The following TMEM131L variants were observed in gnomAD, a reference collection of about 807,000 sequenced individuals.
TMEM131L encodes the protein transmembrane protein 131-like.
TMEM131L carries 54 observed loss-of-function variants against 192.2 expected under a neutral mutation model. That is an observed-to-expected ratio of 0.28 (90% CI 0.23 to 0.35). The LOEUF is 0.35. Among genes scored for constraint, TMEM131L ranks in the 10% least tolerant of loss-of-function variants. The pLI, the probability that TMEM131L is intolerant of heterozygous loss-of-function variation, is 1.00. For synonymous variants in TMEM131L, 701 were observed against 704.9 expected (o/e 0.99, Z 0.09); for missense variants, 1,888 against 1,972.9 (o/e 0.96, Z 0.82).
At position 153,580,878 on chromosome 4, in the gene TMEM131L, A is replaced by C; in HGVS notation, c.713A>C (p.His238Pro). Reference protein sequence around the residue: ...LLQVQLECSLHNKVCQQLKGC... With the variant: ...LLQVQLECSLPNKVCQQLKGC... Reference sequence around the variant, plus strand: ...CAGGTGCAACTGGAATGCAGTTTACATAATAAAGTGTGTCAGCAATTAAAG... The same window carrying C: ...CAGGTGCAACTGGAATGCAGTTTACCTAATAAAGTGTGTCAGCAATTAAAG... The change falls in exon 8 of 35, where the codon CAT becomes CCT. Residue 238 changes from histidine to proline, a missense_variant. Physicochemically the swap from His to Pro is moderately conservative, Grantham distance 77. Transcript: ENST00000409959. 3.7e-6 allele frequency: 6 copies of C among 1,611,060 alleles called. No homozygotes were observed. Among genetic ancestry groups the C allele is most frequent in the Non-Finnish European group, 4.2e-6 (5 of 1,177,238 alleles).
At chr4:153,490,373 G>C (rs192683810) in intron 3 of TMEM131L, among the ~76,000 whole-genome samples, 11 of 152,262 alleles carry the variant, frequency 7.2e-5, no homozygotes, top group Admixed American at 7.2e-4. Flanking sequence ...AGAGGGCTGG[G>C]GTAATTTGAG....
chr4:153,626,119 T>G, intron 29 of TMEM131L, 28 bp from the exon 30 acceptor site: 2 of 1,487,100 alleles, frequency 1.3e-6, no homozygotes, highest in Middle Eastern at 1.7e-4. Flanking sequence ...TTTTTGAAAC[T>G]TGTGATAATG....
chr4:153,520,869 C>G lies in TMEM131L; in HGVS notation c.240-29204C>G, dbSNP rs1479157473. Among the ~76,000 whole-genome samples, 23 of 152,198 alleles carry G rather than the reference C, an allele frequency of 1.5e-4. 1 individual carries two copies. Among genetic ancestry groups the G allele is most frequent in the Admixed American group, 1.5e-3 (23 of 15,282 alleles). ...TAGTTAATGGGAAGGACTGGGGACC[C>G]TTTCCCAGGGGTAATTGTAGCTTCT... On this transcript the variant is annotated intron_variant, in intron 3 of 34. Transcript: ENST00000409959.
intron 12 of TMEM131L, among the ~76,000 whole-genome samples, chr4:153,585,249 G>C (rs1447207044): frequency 6.6e-6 from 1 of 152,222 alleles, no homozygotes; most frequent in Admixed American, 6.5e-5. Flanking sequence ...AGCTGTGCTG[G>C]CCGCAGCCTG....
intron 18 of TMEM131L, among the ~76,000 whole-genome samples, chr4:153,592,997 C>A (rs539132356): frequency 6.6e-6 from 1 of 152,256 alleles, no homozygotes; most frequent in South Asian, 2.1e-4. Context: ...ATACTAAAAT[C>A]TCAAGGATGT....
At chr4:153,620,109 C>T (rs1733284396) in intron 26 of TMEM131L, among the ~76,000 whole-genome samples, 1 of 152,232 alleles carries the variant, frequency 6.6e-6, no homozygotes, top group African/African-American at 2.4e-5. Context: ...GGGAATCCCT[C>T]TCCCGTTGGG....
In TMEM131L at chr4:153,592,676, G is replaced by A. The variant is rs1056253591; in HGVS notation, c.1922+92G>A. 11 of 854,598 alleles carry A rather than the reference G, an allele frequency of 1.3e-5. No homozygotes were observed. The African/African-American group carries it at 1.7e-4, about 13-fold the overall frequency. 52.9% of individuals were successfully genotyped at this position (854,598 alleles called of 1,614,324 possible). A position where few individuals can be genotyped will look rare whatever the true frequency, so the allele number is the denominator to read the frequency against. On this transcript the variant is annotated intron_variant, in intron 18 of 34. Transcript: ENST00000409959. ...TCCTACACTTTTTCAACCAGGACCT[G>A]TGTGTGGATGTGGACACAGTATTAA...
At chr4:153,615,859 C>T (rs994235301) in intron 26 of TMEM131L, among the ~76,000 whole-genome samples, 1 of 152,184 alleles carries the variant, frequency 6.6e-6, no homozygotes, top group Admixed American at 6.5e-5. Flanking sequence ...TGGGTGCCAT[C>T]GCCTATTTCA....
intron 3 of TMEM131L, among the ~76,000 whole-genome samples, chr4:153,534,534 A>T (rs1033038698): frequency 6.6e-6 from 1 of 152,128 alleles, no homozygotes; most frequent in African/African-American, 2.4e-5. Context: ...CCCGGGTTCA[A>T]GCGATTCTCC....
chr4:153,492,639 C>CT (rs1174072544), intron 3 of TMEM131L, among the ~76,000 whole-genome samples: 3 of 152,098 alleles, frequency 2.0e-5, no homozygotes, highest in African/African-American at 7.2e-5. Context: ...ATTGGTTAAA[C>CT]TAGTAGGTTA....
rs756932265 is a variant in TMEM131L, at chr4:153,636,403, C to A, written c.4660C>A (p.Pro1554Thr). 2 of 1,614,188 alleles carry A rather than the reference C, an allele frequency of 1.2e-6. No homozygotes were observed. Among genetic ancestry groups the A allele is most frequent in the East Asian group, 4.5e-5 (2 of 44,884 alleles). The change falls in exon 35 of 35, where the codon CCC (proline) becomes ACC (threonine). Residue 1554 changes from proline to threonine, a missense_variant. By Grantham distance (38) the Pro-to-Thr change is conservative (BLOSUM62 -1). Coordinates refer to ENST00000409959, the MANE Select transcript of TMEM131L (RefSeq NM_001131007.2). ...DVYENCCPINPTTEHSTHMEN... is the reference protein window; with the variant it reads ...DVYENCCPINTTTEHSTHMEN... ...GTATGAAAATTGCTGCCCCATCAAC[C>A]CCACCACGGAACATTCGACCCACAT... is the stretch of plus-strand genomic sequence containing the variant.
chr4:153,494,558 A>G (rs1362998359), intron 3 of TMEM131L, among the ~76,000 whole-genome samples: 1 of 152,208 alleles, frequency 6.6e-6, no homozygotes, highest in Non-Finnish European at 1.5e-5. Flanking sequence ...ACTCACAATA[A>G]GGGGAAACAG....
rs1302585278 is a variant in TMEM131L at position 153,582,420 on chromosome 4, GTTTTTTTTTGTTGTT to G, written c.893-760_893-746del. Among the ~76,000 whole-genome samples, 31 of 81,830 alleles carry G rather than the reference GTTTTTTTTTGTTGTT, an allele frequency of 3.8e-4. 3 individuals are homozygous for G. The highest frequency in any genetic ancestry group is 8.8e-3 in the Middle Eastern group (1 of 114). 53.7% of individuals were successfully genotyped at this position (81,830 alleles called of 152,430 possible). The stretch of plus-strand genomic sequence containing the variant: ...CCACTATGCCTGGCTAATTTAAACC[GTTTTTTTTTGTTGTT>G]TTTTTTTTTTTTTTTTTTTTTTTTG... On this transcript the variant is annotated intron_variant, in intron 9 of 34. Transcript: ENST00000409959.
At chr4:153,490,773 G>A (rs995520610) in intron 3 of TMEM131L, among the ~76,000 whole-genome samples, 1 of 151,850 alleles carries the variant, frequency 6.6e-6, no homozygotes, top group African/African-American at 2.4e-5. Flanking sequence ...GGCTAACATG[G>A]TGAAACCCCA....
chr4:153,605,898 T>C (rs1329921904), intron 25 of TMEM131L, among the ~76,000 whole-genome samples: 1 of 152,186 alleles, frequency 6.6e-6, no homozygotes, highest in Non-Finnish European at 1.5e-5. Context: ...CTGAGGGGAA[T>C]GTGGTCTAGG....
intron 3 of TMEM131L, among the ~76,000 whole-genome samples, chr4:153,524,264 C>T (rs1228971851): frequency 6.6e-6 from 1 of 151,872 alleles, no homozygotes; most frequent in Non-Finnish European, 1.5e-5. Flanking sequence ...AGCCCAAGGA[C>T]TCTGATGGAC....
Position 153,473,861 on chromosome 4 carries a change from G to A in TMEM131L, c.212G>A (p.Gly71Asp). ...TTTCAATAGGGTGATTCTGAAGAGGGTCTGGAGGAGCCTTCTCAAGAACAG... is the reference window on the plus strand; with the variant it reads ...TTTCAATAGGGTGATTCTGAAGAGGATCTGGAGGAGCCTTCTCAAGAACAG... ...LLPTQGDSEEGLEEPSQEQSF... is the reference protein window; with the variant it reads ...LLPTQGDSEEDLEEPSQEQSF... The change falls in exon 3 of 35, where the codon GGT (glycine) becomes GAT (aspartate). Residue 71 changes from glycine (G) to aspartate (D), a missense_variant. Physicochemically the swap from Gly to Asp is moderately conservative, Grantham distance 94. Transcript: ENST00000409959. The A allele has an allele frequency of 1.3e-6, 2 of 1,546,242 alleles. No homozygotes were observed. Among genetic ancestry groups the A allele is most frequent in the East Asian group, 2.5e-5 (1 of 40,682 alleles).
chr4:153,489,323 T>C (rs899090769), intron 3 of TMEM131L, among the ~76,000 whole-genome samples: 1 of 152,150 alleles, frequency 6.6e-6, no homozygotes, highest in South Asian at 2.1e-4. Context: ...ACTCCTGGGC[T>C]CCAGCCGCAG....
At chr4:153,570,043 T>TA (rs1204099291) in intron 7 of TMEM131L, among the ~76,000 whole-genome samples, 1 of 152,162 alleles carries the variant, frequency 6.6e-6, no homozygotes, top group Non-Finnish European at 1.5e-5. Flanking sequence ...AATCAGAAGT[T>TA]CTCCATGCCT....
Sources: gnomAD v4.1 joint callset for allele counts (sites outside exome capture counted in the v4.1 genomes callset) on GRCh38, gnomAD v4.1.1 for gene constraint, MANE v1.5 for transcripts, NCBI Gene and HGNC (gene_info 2026-07-23, HGNC 2026-07-21) for gene names.